The following KAZN variants were observed in gnomAD, a reference collection of about 807,000 sequenced individuals.
The protein encoded by KAZN is kazrin.
In KAZN, 40 loss-of-function variants were observed where a neutral mutation model predicts 87.4. The observed-to-expected ratio is 0.46, with a 90% CI of 0.36 to 0.60. KAZN has a LOEUF of 0.60. Ranked by LOEUF, KAZN falls within the 20% of genes least tolerant of loss-of-function variation. The pLI is 0.00. For missense variants in KAZN, 898 were observed against 1,073.9 expected, an observed-to-expected ratio of 0.84 and a Z score of 2.29; for synonymous variants, 466 against 458.3, an observed-to-expected ratio of 1.02 and a Z score of -0.22.
chr1:14,978,939 G>C (rs989276519), intron 2 of KAZN, among the ~76,000 whole-genome samples: 2 of 151,922 alleles, frequency 1.3e-5, no homozygotes, highest in Non-Finnish European at 2.9e-5. Flanking sequence ...GAGTCTTGCT[G>C]TGTCACCCAG....
chr1:14,176,780 T>C (rs1570943369), intron 1 of KAZN, among the ~76,000 whole-genome samples: 1 of 152,194 alleles, frequency 6.6e-6, no homozygotes, highest in Admixed American at 6.5e-5. Context: ...ATTTGTTTAA[T>C]TTTTTTAGGG....
intron 2 of KAZN, among the ~76,000 whole-genome samples, chr1:14,337,764 C>T (rs986370584): frequency 7.2e-5 from 11 of 152,014 alleles, no homozygotes; most frequent in Middle Eastern, 3.4e-3. Flanking sequence ...CGTGGTGGCG[C>T]GCATCTGTAA....
chr1:15,069,340 C>T (rs9943190), intron 8 of KAZN, among the ~76,000 whole-genome samples: 18,074 of 152,220 alleles, frequency 0.12, 1,585 homozygotes, highest in East Asian at 0.53. Flanking sequence ...AAACTAACCC[C>T]GTCTCTCATG....
At chr1:14,564,663 A>AG (rs1674445247) in intron 2 of KAZN, among the ~76,000 whole-genome samples, 1 of 150,926 alleles carries the variant, frequency 6.6e-6, no homozygotes, top group Non-Finnish European at 1.5e-5. Flanking sequence ...AAAAAAAAAA[A>AG]TTAGCTTGGA....
chr1:15,036,580 C>G (rs1278122021), intron 3 of KAZN, among the ~76,000 whole-genome samples: 3 of 152,078 alleles, frequency 2.0e-5, no homozygotes, highest in African/African-American at 7.2e-5. Flanking sequence ...GCATGGGGAG[C>G]AACTCATGGG....
intron 1 of KAZN, among the ~76,000 whole-genome samples, chr1:14,776,284 G>A (rs1454119844): frequency 6.6e-6 from 1 of 152,206 alleles, no homozygotes; most frequent in African/African-American, 2.4e-5. Flanking sequence ...GATTACAGGC[G>A]TGAGCCACTG....
chr1:15,053,421 TC>T (rs1333567162), intron 4 of KAZN, among the ~76,000 whole-genome samples: 4 of 152,166 alleles, frequency 2.6e-5, no homozygotes, highest in African/African-American at 7.2e-5. Flanking sequence ...ACAGAGCTGT[TC>T]CCTGGGCCAT....
intron 2 of KAZN, among the ~76,000 whole-genome samples, chr1:14,581,082 C>A (rs966749647): frequency 1.1e-4 from 17 of 152,102 alleles, no homozygotes; most frequent in African/African-American, 4.1e-4. Context: ...CTCTGGATAA[C>A]ATCTACATGC....
In KAZN at chr1:15,099,598, C is replaced by T. The variant is rs1425836102; in HGVS notation, c.1548-1945C>T. Among the ~76,000 whole-genome samples the T allele has an allele frequency of 6.6e-6, 1 of 152,098 alleles. No homozygotes were observed. Among genetic ancestry groups the T allele is most frequent in the Non-Finnish European group, 1.5e-5 (1 of 68,016 alleles). ...AGGAAACGGCCCCCAGGACCCCAAGCCCCATGTGCGTTGGGGGAGGGGAAG... is the reference window on the plus strand; with the variant it reads ...AGGAAACGGCCCCCAGGACCCCAAGTCCCATGTGCGTTGGGGGAGGGGAAG... On this transcript the variant is annotated intron_variant, in intron 10 of 14. Coordinates refer to ENST00000376030, the MANE Select transcript of KAZN (RefSeq NM_201628.3). This position sits in a 1 kb window ranked among gnomAD's most constrained non-coding sequence, Gnocchi z 5.4.
In KAZN at chr1:15,086,619, A is replaced by G. The variant is rs563940206; in HGVS notation, c.1223-7561A>G. Among the ~76,000 whole-genome samples the G allele has an allele frequency of 3.3e-5, 5 of 152,358 alleles. No homozygotes were observed. In the South Asian group the frequency reaches 8.3e-4, roughly 25 times the overall value. ...AAAGAAATTGGTAAACATGTAAGTCAATTATTTTAAGCAAACGTTATCAGT... is the reference window on the plus strand; with the variant it reads ...AAAGAAATTGGTAAACATGTAAGTCGATTATTTTAAGCAAACGTTATCAGT... On this transcript the variant is annotated intron_variant, in intron 8 of 14. Coordinates refer to ENST00000376030, the MANE Select transcript of KAZN (RefSeq NM_201628.3).
At chr1:15,086,115 C>CA (rs1557787948) in intron 8 of KAZN, among the ~76,000 whole-genome samples, 2 of 152,066 alleles carry the variant, frequency 1.3e-5, no homozygotes, top group Non-Finnish European at 2.9e-5. Context: ...GGATTACAGG[C>CA]GCCCCCGACC....
At chr1:14,789,546 C>T (rs1031655603) in intron 1 of KAZN, among the ~76,000 whole-genome samples, 5 of 152,034 alleles carry the variant, frequency 3.3e-5, no homozygotes, top group Non-Finnish European at 7.4e-5. Flanking sequence ...AGTCGGGACC[C>T]TTCCAGGTTC....
intron 1 of KAZN, among the ~76,000 whole-genome samples, chr1:14,703,530 G>A (rs557402788): frequency 1.3e-5 from 2 of 152,360 alleles, no homozygotes; most frequent in South Asian, 4.1e-4. Flanking sequence ...AGGCCTCCCA[G>A]CCATGCTGAA....
At chr1:14,231,229 T>G (rs1647798100) in intron 2 of KAZN, among the ~76,000 whole-genome samples, 1 of 152,210 alleles carries the variant, frequency 6.6e-6, no homozygotes, top group Non-Finnish European at 1.5e-5. Flanking sequence ...ATGAGATGAC[T>G]GTCATCAAAT....
chr1:14,015,865 T>G (rs1640547954), intron 1 of KAZN, among the ~76,000 whole-genome samples: 1 of 151,926 alleles, frequency 6.6e-6, no homozygotes, highest in African/African-American at 2.4e-5. Context: ...CCTCAACAGC[T>G]GCTAAGAGGT....
chr1:14,733,731 T>C (rs1310224539), intron 1 of KAZN, among the ~76,000 whole-genome samples: 2 of 152,198 alleles, frequency 1.3e-5, no homozygotes, highest in Non-Finnish European at 2.9e-5. Flanking sequence ...CTTAGTAACC[T>C]TAACCTTAGT....
intron 1 of KAZN, among the ~76,000 whole-genome samples, chr1:14,781,217 G>T (rs1254996652): frequency 6.6e-6 from 1 of 152,246 alleles, no homozygotes; most frequent in African/African-American, 2.4e-5. Context: ...AGCTACTCGG[G>T]AGGCTGAGGC....
At chr1:14,109,558 A>G (rs1570757830) in intron 1 of KAZN, among the ~76,000 whole-genome samples, 1 of 152,142 alleles carries the variant, frequency 6.6e-6, no homozygotes, top group African/African-American at 2.4e-5. Flanking sequence ...CTCTGCTAAA[A>G]TCTATAATGT....
intron 1 of KAZN, among the ~76,000 whole-genome samples, chr1:13,922,776 G>T (rs538155823): frequency 1.3e-5 from 2 of 152,334 alleles, no homozygotes; most frequent in African/African-American, 2.4e-5. Context: ...CAGTGGTGGG[G>T]TCACCTTCCA....
Sources: allele counts gnomAD v4.1 joint callset (sites outside exome capture counted in the v4.1 genomes callset), GRCh38; gene constraint gnomAD v4.1.1; non-coding constraint Gnocchi (gnomAD v3.1); transcripts MANE v1.5; gene names NCBI Gene and HGNC (gene_info 2026-07-23, HGNC 2026-07-21).